The following MAPRE2 variants were observed in gnomAD, a reference collection of about 807,000 sequenced individuals.
The protein encoded by MAPRE2 is microtubule associated protein RP/EB family member 2, also known as microtubule-associated protein RP/EB family member 2.
A neutral mutation model predicts 43.2 loss-of-function variants in MAPRE2; 13 were observed. The observed-to-expected ratio is 0.30, with a 90% CI of 0.20 to 0.48. The LOEUF is 0.48. Ranked by LOEUF, MAPRE2 falls within the 20% of genes least tolerant of loss-of-function variation. The probability of loss-of-function intolerance (pLI) is 0.99; values close to 1 mark genes in which losing one functional copy is unlikely to be tolerated. For synonymous variants in MAPRE2, 135 were observed against 148.8 expected (o/e 0.91, Z 0.68); for missense variants, 161 against 400.2 (o/e 0.40, Z 5.10).
intron 2 of MAPRE2, among the ~76,000 whole-genome samples, chr18:35,011,971 C>A (rs1662977583): frequency 6.6e-6 from 1 of 152,058 alleles, no homozygotes; most frequent in Admixed American, 6.6e-5. Flanking sequence ...TAGAGGAGAA[C>A]ACATTGATCT....
At chr18:35,026,083 T>C (rs994685563) in intron 2 of MAPRE2, among the ~76,000 whole-genome samples, 2 of 152,088 alleles carry the variant, frequency 1.3e-5, no homozygotes, top group Admixed American at 6.6e-5. Context: ...GTGAATTGAT[T>C]GTGAAGCAAG....
chr18:34,977,317 G>T (rs2097013718), intron 1 of MAPRE2, among the ~76,000 whole-genome samples: 1 of 152,198 alleles, frequency 6.6e-6, no homozygotes, highest in Non-Finnish European at 1.5e-5. Flanking sequence ...CACATCTCTG[G>T]TTCGGTGCCC....
intron 1 of MAPRE2, among the ~76,000 whole-genome samples, chr18:34,982,673 A>G (rs2097017039): frequency 6.6e-6 from 1 of 151,976 alleles, no homozygotes; most frequent in South Asian, 2.1e-4. Flanking sequence ...AATAGAATTA[A>G]TTGGTAAATT....
intron 4 of MAPRE2, among the ~76,000 whole-genome samples, chr18:35,110,520 A>G (rs1483530487): frequency 1.3e-5 from 2 of 152,062 alleles, no homozygotes; most frequent in African/African-American, 4.8e-5. Context: ...TGTTTATTTC[A>G]TATTTTTACT....
intron 2 of MAPRE2, among the ~76,000 whole-genome samples, chr18:35,090,671 G>T (rs183699090): frequency 1.3e-5 from 2 of 149,688 alleles, no homozygotes; most frequent in East Asian, 3.9e-4. Context: ...GGCAGAGGTT[G>T]CAGTGAGCCA....
intron 1 of MAPRE2, 32 bp downstream of exon 1, chr18:35,041,693 G>A: frequency 6.2e-7 from 1 of 1,613,836 alleles, no homozygotes; most frequent in Non-Finnish European, 8.5e-7. Context: ...CAGCGCCGGG[G>A]ACCGCCGTGA....
chr18:35,118,498 C>T (rs1233777596), intron 4 of MAPRE2, among the ~76,000 whole-genome samples: 1 of 152,120 alleles, frequency 6.6e-6, no homozygotes, highest in Non-Finnish European at 1.5e-5. Context: ...ATAGGGTTTC[C>T]TAAACTATAG....
intron 2 of MAPRE2, among the ~76,000 whole-genome samples, chr18:35,017,556 GT>G (rs1329152282): frequency 1.0e-5 from 1 of 97,744 alleles, no homozygotes; most frequent in Non-Finnish European, 2.5e-5. Flanking sequence ...TTTTTCTTTT[GT>G]TTTTTGTTTT....
chr18:35,122,976 G>A (rs1408147333), intron 4 of MAPRE2, among the ~76,000 whole-genome samples: 1 of 152,248 alleles, frequency 6.6e-6, no homozygotes, highest in Non-Finnish European at 1.5e-5. Flanking sequence ...AAGTGGCTGT[G>A]TGTGGCTAGA....
At chr18:35,003,752 T>G (rs762072597) in intron 1 of MAPRE2, among the ~76,000 whole-genome samples, 1 of 152,246 alleles carries the variant, frequency 6.6e-6, no homozygotes, top group Admixed American at 6.5e-5. Flanking sequence ...AATTTCATTC[T>G]GATTCAGTTG....
intron 6 of MAPRE2, among the ~76,000 whole-genome samples, chr18:35,134,914 G>A (rs1287474698): frequency 6.6e-6 from 1 of 152,100 alleles, no homozygotes; most frequent in Non-Finnish European, 1.5e-5. Flanking sequence ...TAGCTTTAAG[G>A]GAAGGAAGAG....
At chr18:35,013,698 T>A (rs1446334936) in intron 2 of MAPRE2, among the ~76,000 whole-genome samples, 2 of 152,126 alleles carry the variant, frequency 1.3e-5, no homozygotes, top group Non-Finnish European at 2.9e-5. Flanking sequence ...GCCTCTAGTA[T>A]CCTGTCTTCT....
intron 2 of MAPRE2, among the ~76,000 whole-genome samples, chr18:35,085,275 C>G (rs1236195538): frequency 6.6e-6 from 1 of 152,184 alleles, no homozygotes; most frequent in Non-Finnish European, 1.5e-5. Flanking sequence ...GGAATGCTTC[C>G]TTCAACACGA....
rs548916105 is a variant in MAPRE2 at position 35,063,308 on chromosome 18, C to T, written c.123-6887C>T. On this transcript the variant is annotated intron_variant, in intron 1 of 6. Coordinates refer to ENST00000300249, the MANE Select transcript of MAPRE2 (RefSeq NM_014268.4). ...ATTTTTAGTAGAGATGGGGTTTCAC[C>T]GTGTTAGCCAGGATGGTCTTGATCT... 4.9e-4 allele frequency among the ~76,000 whole-genome samples: 74 copies of T among 152,002 alleles called. 1 individual carries two copies. The highest frequency in any genetic ancestry group is 4.0e-3 in the South Asian group (19 of 4,806).
intron 1 of MAPRE2, among the ~76,000 whole-genome samples, chr18:34,983,611 T>C (rs2097017518): frequency 6.6e-6 from 1 of 152,156 alleles, no homozygotes; most frequent in East Asian, 1.9e-4. Context: ...GCCCTACTAT[T>C]TTATTTCTTT....
At chr18:35,069,684 A>G (rs1907010811) in intron 1 of MAPRE2, among the ~76,000 whole-genome samples, 1 of 151,930 alleles carries the variant, frequency 6.6e-6, no homozygotes, top group Admixed American at 6.6e-5. Context: ...CAATATATCA[A>G]TATATATATA....
chr18:35,061,714 C>T lies in MAPRE2; in HGVS notation c.123-8481C>T, dbSNP rs9951467. On this transcript the variant is annotated intron_variant, in intron 1 of 6. Coordinates refer to ENST00000300249, the MANE Select transcript of MAPRE2 (RefSeq NM_014268.4). ...AGAAGCTTTAATACCCAGTTTTAGG[C>T]GAAACTCCATAGTTCCTGTAATCTC... Among the ~76,000 whole-genome samples the T allele has an allele frequency of 7.2e-5, 11 of 152,270 alleles. No homozygotes were observed. The East Asian group carries it at 1.5e-3, about 21-fold the overall frequency.
chr18:35,036,126 T>C (rs1226449418), intron 2 of MAPRE2, among the ~76,000 whole-genome samples: 1 of 151,842 alleles, frequency 6.6e-6, no homozygotes, highest in Non-Finnish European at 1.5e-5. Flanking sequence ...TAAATGGTAC[T>C]ATTATCTACT....
intron 2 of MAPRE2, among the ~76,000 whole-genome samples, chr18:35,026,494 G>A (rs1387608991): frequency 6.6e-6 from 1 of 152,096 alleles, no homozygotes; most frequent in Non-Finnish European, 1.5e-5. Context: ...TTGGAAACCT[G>A]AATGGAGATT....
Sources: allele counts gnomAD v4.1 joint callset (sites outside exome capture counted in the v4.1 genomes callset), GRCh38; gene constraint gnomAD v4.1.1; transcripts MANE v1.5; gene names NCBI Gene and HGNC (gene_info 2026-07-23, HGNC 2026-07-21).